The following TRAPPC9 variants were observed in gnomAD, a reference collection of about 807,000 sequenced individuals.
The protein encoded by TRAPPC9 is trafficking protein particle complex subunit 9.
A neutral mutation model predicts 124.0 loss-of-function variants in TRAPPC9; 83 were observed. That is an observed-to-expected ratio of 0.67 (90% CI 0.56 to 0.80). TRAPPC9 has a LOEUF of 0.80. Among genes scored for constraint, TRAPPC9 ranks in the 30% least tolerant of loss-of-function variants. The pLI is 0.00. For missense variants in TRAPPC9, 1,302 were observed against 1,508.3 expected (o/e 0.86, Z 2.27); for synonymous variants, 638 against 617.5 (o/e 1.03, Z -0.49).
chr8:140,032,705 C>T (rs530627452), intron 17 of TRAPPC9, among the ~76,000 whole-genome samples: 1 of 152,238 alleles, frequency 6.6e-6, no homozygotes, highest in African/African-American at 2.4e-5. Context: ...TAACCACATA[C>T]ATAAGTTGCT....
chr8:140,256,835 G>A (rs993862172), intron 15 of TRAPPC9, among the ~76,000 whole-genome samples: 1 of 152,154 alleles, frequency 6.6e-6, no homozygotes, highest in Non-Finnish European at 1.5e-5. Flanking sequence ...TGCTGTGAGG[G>A]TTAGCGGGTT....
chr8:139,947,355 G>T (rs1157859418), intron 19 of TRAPPC9, among the ~76,000 whole-genome samples: 1 of 152,176 alleles, frequency 6.6e-6, no homozygotes, highest in Non-Finnish European at 1.5e-5. Context: ...AGCCAGGGCA[G>T]GCTGCAGGAA....
At chr8:139,753,921 C>T (rs1221841647) in intron 21 of TRAPPC9, among the ~76,000 whole-genome samples, 1 of 152,234 alleles carries the variant, frequency 6.6e-6, no homozygotes, top group African/African-American at 2.4e-5. Flanking sequence ...TCAGCTGAAG[C>T]ACCCCCATCA....
Position 140,097,564 on chromosome 8 carries a change from G to C in TRAPPC9, c.2557-73485C>G, listed in dbSNP as rs1469985676. The C allele has an allele frequency of 6.6e-6, 1 of 152,334 alleles. No homozygotes were observed. Among genetic ancestry groups the C allele is most frequent in the African/African-American group, 2.4e-5 (1 of 41,466 alleles). The allele number at this position is 152,334 out of a possible 1,614,324, so 9.4% of individuals were successfully genotyped here. A position where few individuals can be genotyped will look rare whatever the true frequency, so the allele number is the denominator to read the frequency against. The stretch of plus-strand genomic sequence containing the variant: ...GCAAGAACGCCCGTCTGGGTCCGTA[G>C]TGTGCAGCCGCAGCTGTGCTGCTGT... On this transcript the variant is annotated intron_variant, in intron 17 of 22. Transcript: ENST00000438773. This position sits in a 1 kb window ranked among gnomAD's most constrained non-coding sequence, Gnocchi z 4.2.
At chr8:140,436,503 G>A (rs1358853507) in intron 3 of TRAPPC9, among the ~76,000 whole-genome samples, 1 of 152,154 alleles carries the variant, frequency 6.6e-6, no homozygotes, top group African/African-American at 2.4e-5. Context: ...AAGTCAGCTG[G>A]ATCTTCTATC....
chr8:140,096,286 G>A (rs1844939716), intron 17 of TRAPPC9: 1 of 152,238 alleles, frequency 6.6e-6, no homozygotes, highest in African/African-American at 2.4e-5. Context: ...GTTATGGAGA[G>A]CCTTTCAGGC....
At chr8:140,413,797 G>A (rs986115942) in intron 5 of TRAPPC9, among the ~76,000 whole-genome samples, 52 of 151,344 alleles carry the variant, frequency 3.4e-4, no homozygotes, top group Non-Finnish European at 6.8e-4. Context: ...TACTGAGAAT[G>A]ATGATTTCCA....
chr8:140,384,064 A>T lies in TRAPPC9; in HGVS notation c.1135-12884T>A, dbSNP rs573014755. ...CAGAATTTCATATCCAGCCAAACTA[A>T]GCTTCATAAGTGAAGGAGAAATAAA... On this transcript the variant is annotated intron_variant, in intron 7 of 22. Coordinates refer to ENST00000438773, the MANE Select transcript of TRAPPC9 (RefSeq NM_001160372.4). 3.3e-5 allele frequency among the ~76,000 whole-genome samples: 5 copies of T among 152,312 alleles called. No homozygotes were observed. In the South Asian group the frequency reaches 1.0e-3, roughly 32 times the overall value.
chr8:139,876,745 C>T (rs1199707999), intron 21 of TRAPPC9, among the ~76,000 whole-genome samples: 1 of 152,198 alleles, frequency 6.6e-6, no homozygotes, highest in Non-Finnish European at 1.5e-5. Flanking sequence ...CTCTCCTTAC[C>T]AGCCCACCCA....
intron 10 of TRAPPC9, among the ~76,000 whole-genome samples, chr8:140,309,944 T>A (rs1415294132): frequency 6.6e-6 from 1 of 152,162 alleles, no homozygotes; most frequent in Non-Finnish European, 1.5e-5. Context: ...ATGAACAATC[T>A]CAGCAGTGCT....
At chr8:139,828,029 C>T (rs756529312) in intron 21 of TRAPPC9, among the ~76,000 whole-genome samples, 1 of 152,178 alleles carries the variant, frequency 6.6e-6, no homozygotes, top group Non-Finnish European at 1.5e-5. Context: ...GAATCCACCC[C>T]CACGATCCAA....
At chr8:140,429,175 G>A (rs984989779) in intron 4 of TRAPPC9, among the ~76,000 whole-genome samples, 2 of 150,816 alleles carry the variant, frequency 1.3e-5, no homozygotes, top group South Asian at 2.1e-4. Flanking sequence ...TCCGCTTCCC[G>A]GGTTCAAGCA....
intron 5 of TRAPPC9, among the ~76,000 whole-genome samples, chr8:140,413,959 C>T (rs954984574): frequency 3.3e-5 from 5 of 151,220 alleles, no homozygotes; most frequent in African/African-American, 7.3e-5. Flanking sequence ...TGAATAGTGC[C>T]GCAATAAACA....
intron 17 of TRAPPC9, among the ~76,000 whole-genome samples, chr8:140,154,902 G>A (rs13281578): frequency 0.16 from 25,081 of 152,140 alleles, 2,567 homozygotes; most frequent in Admixed American, 0.25. Flanking sequence ...TGTAACTCTC[G>A]AGTAGGAATG....
chr8:140,176,699 T>C (rs549911083), intron 17 of TRAPPC9, among the ~76,000 whole-genome samples: 1 of 152,336 alleles, frequency 6.6e-6, no homozygotes, highest in African/African-American at 2.4e-5. Context: ...TGCTGGGTCA[T>C]CACATAAGTA....
intron 19 of TRAPPC9, among the ~76,000 whole-genome samples, chr8:139,986,116 G>A (rs1434282359): frequency 6.6e-6 from 1 of 152,152 alleles, no homozygotes; most frequent in East Asian, 1.9e-4. Context: ...GGTGGCAGGT[G>A]TCTGTAATCC....
chr8:139,832,682 C>T (rs890087033), intron 21 of TRAPPC9, among the ~76,000 whole-genome samples: 2 of 152,154 alleles, frequency 1.3e-5, no homozygotes, highest in Non-Finnish European at 2.9e-5. Flanking sequence ...GGGCTCTAAG[C>T]CTGGCTGACT....
chr8:139,790,735 G>T (rs1319291010), intron 21 of TRAPPC9, among the ~76,000 whole-genome samples: 1 of 152,180 alleles, frequency 6.6e-6, no homozygotes, highest in Admixed American at 6.5e-5. Context: ...GTGGAGAGTG[G>T]TTATGGTTGG....
At chr8:139,763,153 G>A (rs540956417) in intron 21 of TRAPPC9, among the ~76,000 whole-genome samples, 2 of 152,306 alleles carry the variant, frequency 1.3e-5, no homozygotes, top group East Asian at 1.9e-4. Context: ...TTTTCCAAGC[G>A]ACTCATTTTT....
Sources: gnomAD v4.1 joint callset for allele counts (sites outside exome capture counted in the v4.1 genomes callset) on GRCh38, gnomAD v4.1.1 for gene constraint, Gnocchi (gnomAD v3.1) non-coding constraint, MANE v1.5 for transcripts, NCBI Gene and HGNC (gene_info 2026-07-23, HGNC 2026-07-21) for gene names.